ATP6V0A4: variants seen among roughly 807,000 people sequenced by gnomAD.
ATP6V0A4 encodes the protein V-type proton ATPase 116 kDa subunit a 4.
Under a neutral mutation model 107.3 loss-of-function variants are expected in ATP6V0A4, and 86 were observed. The ratio of observed to expected loss-of-function variants is 0.80; its 90% CI spans 0.67 to 0.96. The LOEUF (loss-of-function observed/expected upper bound fraction) is 0.96. Among genes scored for constraint, ATP6V0A4 ranks in the 40% least tolerant of loss-of-function variants. The probability of loss-of-function intolerance (pLI) is 0.00; values close to 1 mark genes in which losing one functional copy is unlikely to be tolerated. For synonymous variants in ATP6V0A4, 353 were observed against 381.4 expected, an observed-to-expected ratio of 0.93 and a Z score of 0.87; for missense variants, 908 against 1,045.6, an observed-to-expected ratio of 0.87 and a Z score of 1.81.
At chr7:138,711,995 T>C (rs1803771388) in intron 20 of ATP6V0A4, among the ~76,000 whole-genome samples, 1 of 151,984 alleles carries the variant, frequency 6.6e-6, no homozygotes, top group Non-Finnish European at 1.5e-5. Flanking sequence ...TGCAGTGGTG[T>C]GATCTCGGCT....
chr7:138,732,531 C>T (rs1444975204), intron 17 of ATP6V0A4, among the ~76,000 whole-genome samples: 2 of 152,080 alleles, frequency 1.3e-5, no homozygotes, highest in African/African-American at 4.8e-5. Flanking sequence ...CGGTGGCTCA[C>T]ACCTGTAATC....
intron 10 of ATP6V0A4, 90 bp from the exon 11 acceptor site, chr7:138,752,927 G>GCTTC: frequency 6.4e-7 from 1 of 1,558,580 alleles, no homozygotes. Context: ...GGCCACAGCA[G>GCTTC]CTTCCTCTGC....
chr7:138,768,975 ACCTGAATTGT>A, intron 4 of ATP6V0A4, 101 bp from the exon 5 acceptor site: 1 of 1,580,264 alleles, frequency 6.3e-7, no homozygotes, highest in South Asian at 1.1e-5. Flanking sequence ...CAGCTCAGCT[ACCTGAATTGT>A]CCTAGGAGCT....
rs1807373784 is a variant in ATP6V0A4, at chr7:138,771,282, A to C, written c.-17-18T>G. 6.2e-7 allele frequency: 1 copy of C among 1,611,106 alleles called. No individual in the cohort carries two copies. The highest frequency in any genetic ancestry group is 8.5e-7 in the Non-Finnish European group (1 of 1,177,756). On this transcript the variant is annotated intron_variant, in intron 2 of 21. Transcript: ENST00000310018. ...GCCTCGGTCTACAGGAGAAAAAGAA[A>C]AAGATATTAATATTTAAGGTAATAA...
At chr7:138,746,769 G>A (rs1805973267) in intron 13 of ATP6V0A4, among the ~76,000 whole-genome samples, 1 of 152,142 alleles carries the variant, frequency 6.6e-6, no homozygotes, top group African/African-American at 2.4e-5. Context: ...CTCCCAAAGT[G>A]GTGGGGTTAC....
intron 1 of ATP6V0A4, among the ~76,000 whole-genome samples, chr7:138,789,299 G>A (rs548097919): frequency 2.0e-5 from 3 of 151,988 alleles, no homozygotes; most frequent in African/African-American, 7.2e-5. Flanking sequence ...CCAGGCTGGA[G>A]TGCAGTGGTG....
chr7:138,746,608 A>G lies in ATP6V0A4; in HGVS notation c.1320+817T>C, dbSNP rs548023354. 3.9e-5 allele frequency among the ~76,000 whole-genome samples: 6 copies of G among 152,076 alleles called. No individual in the cohort carries two copies. In the East Asian group the frequency reaches 9.7e-4, roughly 25 times the overall value. On this transcript the variant is annotated intron_variant, in intron 13 of 21. Transcript: ENST00000310018. Reference sequence around the variant, plus strand: ...AACCTCCACCTCCCGGGTTCAAGTAATTCTCCAGCCTCAGCCTCCCGAGTA... The same window carrying G: ...AACCTCCACCTCCCGGGTTCAAGTAGTTCTCCAGCCTCAGCCTCCCGAGTA...
intron 19 of ATP6V0A4, among the ~76,000 whole-genome samples, chr7:138,718,565 C>T (rs1804245083): frequency 1.6e-5 from 1 of 62,486 alleles, no homozygotes; most frequent in Non-Finnish European, 3.2e-5. Context: ...CGGAGGGAGA[C>T]ATCCGGAGAG....
intron 2 of ATP6V0A4, among the ~76,000 whole-genome samples, chr7:138,781,372 C>A (rs1445680364): frequency 6.6e-6 from 1 of 151,688 alleles, no homozygotes; most frequent in Admixed American, 6.6e-5. Flanking sequence ...CTCTTATCAC[C>A]AAGGCTGGAG....
chr7:138,795,010 G>A (rs142172975), intron 1 of ATP6V0A4, among the ~76,000 whole-genome samples: 1 of 151,478 alleles, frequency 6.6e-6, no homozygotes, highest in African/African-American at 2.4e-5. Context: ...TGATTCTCCT[G>A]CCTCAGCCTC....
intron 21 of ATP6V0A4, among the ~76,000 whole-genome samples, chr7:138,707,347 TA>T: frequency 9.3e-6 from 1 of 107,310 alleles, no homozygotes; most frequent in African/African-American, 3.7e-5. Flanking sequence ...ATATATATAT[TA>T]TAATATATAT....
chr7:138,784,513 T>C (rs890166613), intron 2 of ATP6V0A4, among the ~76,000 whole-genome samples: 2 of 151,486 alleles, frequency 1.3e-5, no homozygotes, highest in Admixed American at 6.6e-5. Flanking sequence ...AGAGATGGTG[T>C]TTCACCGTGT....
intron 21 of ATP6V0A4, among the ~76,000 whole-genome samples, chr7:138,708,335 C>T (rs1196646436): frequency 6.6e-6 from 1 of 152,120 alleles, no homozygotes; most frequent in Non-Finnish European, 1.5e-5. Context: ...CATGAGCCAC[C>T]GTGCCCAGCC....
chr7:138,745,943 C>CAAAAAA (rs1185253786), intron 13 of ATP6V0A4, among the ~76,000 whole-genome samples: 2 of 72,296 alleles, frequency 2.8e-5, no homozygotes, highest in Admixed American at 2.3e-4. Flanking sequence ...GACTCTGTCT[C>CAAAAAA]AAAAAAAAAA....
intron 1 of ATP6V0A4, among the ~76,000 whole-genome samples, chr7:138,793,577 C>T (rs1241240310): frequency 6.6e-6 from 1 of 152,180 alleles, no homozygotes; most frequent in Non-Finnish European, 1.5e-5. Context: ...ACTGACCCCA[C>T]AACTGCATGA....
rs1437657246 is a variant in ATP6V0A4 at position 138,773,869 on chromosome 7, T to G, written c.-17-2605A>C. 1 of 152,282 alleles carries G rather than the reference T, an allele frequency of 6.6e-6. No homozygotes were observed. 9.4% of individuals were successfully genotyped at this position (152,282 alleles called of 1,614,324 possible). ...TCAGGGTCTGGGGCAGACGGTGGTT[T>G]CCCCAACCTGACGCACGGAGCAGGG... On this transcript the variant is annotated intron_variant, in intron 2 of 21. Coordinates refer to ENST00000310018, the MANE Select transcript of ATP6V0A4 (RefSeq NM_020632.3). The surrounding 1 kb of genome is among the most constrained non-coding windows in gnomAD (Gnocchi z 5.4).
intron 20 of ATP6V0A4, among the ~76,000 whole-genome samples, chr7:138,713,960 A>G (rs575665150): frequency 1.5e-4 from 22 of 151,352 alleles, no homozygotes; most frequent in African/African-American, 4.8e-4. Flanking sequence ...AAAGTTCGCC[A>G]AGTATGTTGG....
chr7:138,710,061 T>C (rs1803661553), intron 20 of ATP6V0A4, among the ~76,000 whole-genome samples: 1 of 152,040 alleles, frequency 6.6e-6, no homozygotes, highest in South Asian at 2.1e-4. Context: ...GTTCTCACTG[T>C]GTCACCCAGG....
intron 2 of ATP6V0A4, among the ~76,000 whole-genome samples, chr7:138,777,244 T>G (rs556914378): frequency 8.5e-5 from 13 of 152,266 alleles, no homozygotes; most frequent in African/African-American, 2.9e-4. Flanking sequence ...ATAAGGAATT[T>G]GAATTTTATT....
Sources: gnomAD v4.1 joint callset for allele counts (sites outside exome capture counted in the v4.1 genomes callset) on GRCh38, gnomAD v4.1.1 for gene constraint, Gnocchi (gnomAD v3.1) non-coding constraint, MANE v1.5 for transcripts, NCBI Gene and HGNC (gene_info 2026-07-23, HGNC 2026-07-21) for gene names.